MEIS1: variants seen among roughly 807,000 people sequenced by gnomAD.
MEIS1 encodes the protein Meis homeobox 1.
Under a neutral mutation model 50.8 loss-of-function variants are expected in MEIS1, and 5 were observed. That is an observed-to-expected ratio of 0.10 (90% CI 0.05 to 0.21). The LOEUF is 0.21. Among genes scored for constraint, MEIS1 ranks in the 10% least tolerant of loss-of-function variants. The pLI is 1.00. For synonymous variants in MEIS1, 176 were observed against 179.3 expected (o/e 0.98, Z 0.15); for missense variants, 318 against 517.3 (o/e 0.61, Z 3.74).
At chr2:66,467,477 A>G (rs956226607) in intron 7 of MEIS1, among the ~76,000 whole-genome samples, 4 of 151,838 alleles carry the variant, frequency 2.6e-5, no homozygotes, top group Non-Finnish European at 5.9e-5. Context: ...GGCGCCTATA[A>G]TCCCAGCTAC....
intron 7 of MEIS1, among the ~76,000 whole-genome samples, chr2:66,470,356 GTTA>G (rs1046074184): frequency 2.9e-4 from 44 of 152,306 alleles, no homozygotes; most frequent in African/African-American, 1.0e-3. Flanking sequence ...GAAAGAGGAA[GTTA>G]TTATGCTCCA....
chr2:66,548,090 A>G (rs2103931130), intron 9 of MEIS1, 71 bp downstream of exon 9: 4 of 1,491,022 alleles, frequency 2.7e-6, no homozygotes, highest in Non-Finnish European at 3.7e-6. Context: ...CATGTTTTGC[A>G]TTAAGAAGAC....
chr2:66,558,132 A>G (rs1484593088), intron 9 of MEIS1, among the ~76,000 whole-genome samples: 2 of 152,084 alleles, frequency 1.3e-5, no homozygotes, highest in African/African-American at 4.8e-5. Flanking sequence ...ATATAAAATT[A>G]GCTGGGAGTG....
chr2:66,465,473 T>C (rs924899165), intron 7 of MEIS1, among the ~76,000 whole-genome samples: 2 of 152,180 alleles, frequency 1.3e-5, no homozygotes, highest in African/African-American at 4.8e-5. Flanking sequence ...ATGTATGTGT[T>C]ATGGCGTTGC....
chr2:66,552,215 T>G (rs2103940348), intron 9 of MEIS1, among the ~76,000 whole-genome samples: 1 of 152,272 alleles, frequency 6.6e-6, no homozygotes, highest in Admixed American at 6.5e-5. Flanking sequence ...TCTCTTGTAC[T>G]TGTGTCGTAC....
At chr2:66,436,517 G>A (rs1671799693) in intron 1 of MEIS1, among the ~76,000 whole-genome samples, 1 of 152,304 alleles carries the variant, frequency 6.6e-6, no homozygotes, top group African/African-American at 2.4e-5. Flanking sequence ...TGAGAGTAAA[G>A]TGAGACAATG....
At chr2:66,463,989 G>T in intron 6 of MEIS1, 120 bp from the exon 7 acceptor site, 1 of 681,558 alleles carries the variant, frequency 1.5e-6, no homozygotes. Context: ...GAAGGGGGAT[G>T]GGAAAGGTGG....
At chr2:66,440,979 C>CT in intron 4 of MEIS1, 1 of 350,784 alleles carries the variant, frequency 2.9e-6, no homozygotes, top group South Asian at 7.5e-5. Flanking sequence ...CGGACAAGAG[C>CT]CCCCAAACAA....
intron 8 of MEIS1, among the ~76,000 whole-genome samples, chr2:66,513,666 A>G (rs531104027): frequency 6.6e-6 from 1 of 152,200 alleles, no homozygotes; most frequent in African/African-American, 2.4e-5. Context: ...AGACTACACT[A>G]CAGTTTTTGA....
chr2:66,536,687 C>T (rs1674527286), intron 8 of MEIS1, among the ~76,000 whole-genome samples: 2 of 152,156 alleles, frequency 1.3e-5, no homozygotes, highest in South Asian at 4.1e-4. Flanking sequence ...AATCAACTAG[C>T]TAAACAATAT....
chr2:66,530,903 A>G (rs552074851), intron 8 of MEIS1, among the ~76,000 whole-genome samples: 1 of 152,232 alleles, frequency 6.6e-6, no homozygotes, highest in East Asian at 1.9e-4. Context: ...AAGTTTGCAA[A>G]GTTGTTATTG....
chr2:66,443,597 A>G (rs938153305), intron 6 of MEIS1: 7 of 153,152 alleles, frequency 4.6e-5, no homozygotes, highest in Non-Finnish European at 8.7e-5. Flanking sequence ...ACCTCACTGA[A>G]CATTGCTTTG....
intron 7 of MEIS1, among the ~76,000 whole-genome samples, chr2:66,479,514 A>G (rs1672969267): frequency 6.6e-6 from 1 of 152,256 alleles, no homozygotes; most frequent in East Asian, 1.9e-4. Flanking sequence ...TGATGTTTCT[A>G]TGATTTATGA....
At chr2:66,540,638 G>A (rs1012707729) in intron 8 of MEIS1, among the ~76,000 whole-genome samples, 15 of 152,070 alleles carry the variant, frequency 9.9e-5, no homozygotes, top group African/African-American at 3.6e-4. Context: ...CCTCTTATAA[G>A]CATGGTCTTC....
chr2:66,527,750 T>G (rs1463931953), intron 8 of MEIS1, among the ~76,000 whole-genome samples: 1 of 152,046 alleles, frequency 6.6e-6, no homozygotes, highest in Non-Finnish European at 1.5e-5. Context: ...TATGATGACT[T>G]AATCCCACCA....
rs372866321 is a variant in MEIS1 at position 66,470,639 on chromosome 2, G to C, written c.742+6419G>C. ...GAACTTGGCCATAAGCATTTTCATA[G>C]AAAGTGCCTCTTCTCATTATTAGGC... On this transcript the variant is annotated intron_variant, in intron 7 of 12. Coordinates refer to ENST00000272369, the MANE Select transcript of MEIS1 (RefSeq NM_002398.3). Among the ~76,000 whole-genome samples, 5 of 152,156 alleles carry C rather than the reference G, an allele frequency of 3.3e-5. No homozygotes were observed. The East Asian group carries it at 5.8e-4, about 18-fold the overall frequency.
intron 7 of MEIS1, among the ~76,000 whole-genome samples, chr2:66,504,666 C>G: frequency 6.6e-6 from 1 of 152,084 alleles, no homozygotes; most frequent in East Asian, 1.9e-4. Flanking sequence ...GCCAATAATA[C>G]GTTTATTTAA....
At chr2:66,453,806 A>G (rs1053577203) in intron 6 of MEIS1, among the ~76,000 whole-genome samples, 3 of 151,984 alleles carry the variant, frequency 2.0e-5, no homozygotes, top group Non-Finnish European at 4.4e-5. Context: ...GTAGAACAAA[A>G]CAAGACTATA....
rs530559402 is a variant in MEIS1 at position 66,492,848 on chromosome 2, C to G, written c.743-19301C>G. On this transcript the variant is annotated intron_variant, in intron 7 of 12. Coordinates refer to ENST00000272369, the MANE Select transcript of MEIS1 (RefSeq NM_002398.3). ...TATTCAGGACACTGGAAGTTTGTCT[C>G]ATTGCTTTAATGAGAGTTGCATCTT... 1.7e-3 allele frequency among the ~76,000 whole-genome samples: 257 copies of G among 152,288 alleles called. 1 individual carries two copies. Among genetic ancestry groups the G allele is most frequent in the African/African-American group, 5.9e-3 (245 of 41,562 alleles).
Sources: allele counts gnomAD v4.1 joint callset (sites outside exome capture counted in the v4.1 genomes callset), GRCh38; gene constraint gnomAD v4.1.1; transcripts MANE v1.5; gene names NCBI Gene and HGNC (gene_info 2026-07-23, HGNC 2026-07-21).